PCDH15: variants seen among roughly 807,000 people sequenced by gnomAD.
The protein encoded by PCDH15 is protocadherin related 15.
PCDH15 carries 129 observed loss-of-function variants against 178.5 expected under a neutral mutation model. The ratio of observed to expected loss-of-function variants is 0.72; its 90% confidence interval spans 0.63 to 0.84. The LOEUF (loss-of-function observed/expected upper bound fraction) is 0.84, where lower values mean the gene tolerates loss of function less well. PCDH15 is among the 40% of genes least tolerant of loss of function. The probability of loss-of-function intolerance (pLI) is 0.00; values close to 1 mark genes in which losing one functional copy is unlikely to be tolerated. For synonymous variants in PCDH15, 800 were observed against 732.0 expected (o/e 1.09, Z -1.50); for missense variants, 2,230 against 2,099.9 (o/e 1.06, Z -1.21).
At chr10:55,139,570 T>C (rs1838291615) in intron 2 of PCDH15, among the ~76,000 whole-genome samples, 1 of 152,086 alleles carries the variant, frequency 6.6e-6, no homozygotes, top group African/African-American at 2.4e-5. Flanking sequence ...TTAAATTGCT[T>C]TTGCAATTGT....
At chr10:53,857,472 T>C (rs1335271755) in intron 27 of PCDH15, among the ~76,000 whole-genome samples, 1 of 152,122 alleles carries the variant, frequency 6.6e-6, no homozygotes, top group Non-Finnish European at 1.5e-5. Context: ...GAGAAACTAT[T>C]TGTTGTTTAC....
intron 2 of PCDH15, among the ~76,000 whole-genome samples, chr10:54,968,410 T>C (rs751642820): frequency 2.0e-5 from 3 of 150,702 alleles, no homozygotes; most frequent in Non-Finnish European, 4.4e-5. Context: ...TTTTGAAAGA[T>C]ATTTTTACAG....
chr10:54,303,060 C>G (rs2060240037), intron 8 of PCDH15, among the ~76,000 whole-genome samples: 1 of 152,130 alleles, frequency 6.6e-6, no homozygotes, highest in Non-Finnish European at 1.5e-5. Context: ...AATAATGAGT[C>G]ACTTCTATGT....
intron 1 of PCDH15, among the ~76,000 whole-genome samples, chr10:55,274,956 C>T (rs1489427308): frequency 2.0e-5 from 3 of 152,010 alleles, no homozygotes; most frequent in African/African-American, 4.8e-5. Flanking sequence ...TCCTGCTGTG[C>T]GACCCAAGGG....
At chr10:54,146,663 T>C (rs2043933879) in intron 14 of PCDH15, among the ~76,000 whole-genome samples, 1 of 151,562 alleles carries the variant, frequency 6.6e-6, no homozygotes, top group African/African-American at 2.4e-5. Context: ...GCTGGTTTAC[T>C]AAATTAGAAT....
intron 10 of PCDH15, among the ~76,000 whole-genome samples, chr10:54,203,923 T>G (rs1233422315): frequency 1.3e-5 from 2 of 152,214 alleles, no homozygotes; most frequent in Non-Finnish European, 2.9e-5. Flanking sequence ...TTGCTTTGGT[T>G]AATTTTGCTG....
rs114687458 is a variant in PCDH15, at chr10:55,488,017, G to C, written c.-156+139608C>G. Reference sequence around the variant, plus strand: ...AATATAGTTAGGTTCAGTCCTGCAGGAATGATCAAATCTAATGTGCAATTT... The same window carrying C: ...AATATAGTTAGGTTCAGTCCTGCAGCAATGATCAAATCTAATGTGCAATTT... On this transcript the variant is annotated intron_variant, in intron 2 of 5. Coordinates refer to the PCDH15 transcript ENST00000613346. 4.7e-3 allele frequency among the ~76,000 whole-genome samples: 719 copies of C among 151,626 alleles called. 6 individuals carry two copies. The highest frequency in any genetic ancestry group is 0.017 in the African/African-American group (685 of 41,466).
intron 3 of PCDH15, among the ~76,000 whole-genome samples, chr10:54,828,962 C>T (rs1463866978): frequency 6.6e-6 from 1 of 151,876 alleles, no homozygotes. Flanking sequence ...GTTTGACACA[C>T]CCTCAAGTGG....
chr10:54,333,231 C>T (rs1940249377), intron 6 of PCDH15, among the ~76,000 whole-genome samples: 1 of 152,032 alleles, frequency 6.6e-6, no homozygotes, highest in Non-Finnish European at 1.5e-5. Context: ...AAGATGTGAG[C>T]CACCATCCCT....
At chr10:54,386,100 T>TTGTGTGTGTGTGTGTG (rs60205554) in intron 3 of PCDH15, among the ~76,000 whole-genome samples, 1 of 139,786 alleles carries the variant, frequency 7.2e-6, no homozygotes, top group Admixed American at 7.3e-5. Flanking sequence ...TAGTTATTAG[T>TTGTGTGTGTGTGTGTG]TGTGTGTGTG....
At chr10:53,882,726 G>A (rs965202388) in intron 26 of PCDH15, among the ~76,000 whole-genome samples, 30 of 152,044 alleles carry the variant, frequency 2.0e-4, no homozygotes, top group African/African-American at 7.0e-4. Context: ...TGTAATACAC[G>A]CATATCTCTT....
rs148443296 is a variant in PCDH15 at position 55,319,236 on chromosome 10, T to C, written c.-156+363A>G. Among the ~76,000 whole-genome samples the C allele has an allele frequency of 3.0e-3, 460 of 152,082 alleles. 2 individuals carry two copies. Among genetic ancestry groups the C allele is most frequent in the Non-Finnish European group, 4.8e-3 (328 of 68,008 alleles). ...GAATCACAGAAGAAAATAACACATA[T>C]ACAAACCAGACTTCAAGAGAATTTG... is the stretch of plus-strand genomic sequence containing the variant. On this transcript the variant is annotated intron_variant, in intron 1 of 5. Coordinates refer to the PCDH15 transcript ENST00000458638.
At chr10:54,413,500 C>CT (rs1953872910) in intron 3 of PCDH15, among the ~76,000 whole-genome samples, 2 of 152,230 alleles carry the variant, frequency 1.3e-5, no homozygotes, top group South Asian at 4.1e-4. Flanking sequence ...CTAGCTCATT[C>CT]TCTAGGTGAA....
chr10:54,042,991 G>A (rs1012336121), intron 18 of PCDH15, among the ~76,000 whole-genome samples: 13 of 104,438 alleles, frequency 1.2e-4, no homozygotes, highest in African/African-American at 4.6e-4. Context: ...TACTTAAGAT[G>A]AGATTTTGGA....
At chr10:54,995,354 C>T (rs565900441) in intron 2 of PCDH15, among the ~76,000 whole-genome samples, 9 of 133,884 alleles carry the variant, frequency 6.7e-5, no homozygotes, top group Non-Finnish European at 1.1e-4. Flanking sequence ...CCAGCCTGGA[C>T]GACAGAGCGA....
chr10:54,080,307 G>T (rs2135956055), intron 16 of PCDH15, among the ~76,000 whole-genome samples: 1 of 152,106 alleles, frequency 6.6e-6, no homozygotes, highest in African/African-American at 2.4e-5. Context: ...CAGAATAAAT[G>T]TTTCCAAATA....
chr10:54,335,483 C>T (rs1266812336), intron 6 of PCDH15, among the ~76,000 whole-genome samples: 4 of 152,162 alleles, frequency 2.6e-5, no homozygotes, highest in Non-Finnish European at 4.4e-5. Context: ...ATAATTCCCA[C>T]GTGTTGTGGG....
intron 2 of PCDH15, among the ~76,000 whole-genome samples, chr10:55,078,632 C>A (rs1331294879): frequency 1.3e-5 from 2 of 151,560 alleles, no homozygotes; most frequent in South Asian, 2.1e-4. Context: ...AATTTGTATT[C>A]TTTTATTTCA....
chr10:54,549,959 C>T (rs1169479094), intron 2 of PCDH15, among the ~76,000 whole-genome samples: 2 of 151,892 alleles, frequency 1.3e-5, no homozygotes, highest in Non-Finnish European at 2.9e-5. Flanking sequence ...TGCCTTAATG[C>T]TTTATGATCT....
Sources: gnomAD v4.1 joint callset for allele counts (sites outside exome capture counted in the v4.1 genomes callset) on GRCh38, gnomAD v4.1.1 for gene constraint, MANE v1.5 for transcripts, NCBI Gene and HGNC (gene_info 2026-07-23, HGNC 2026-07-21) for gene names.